Variants in DCHS2 observed in about 807,000 individuals in gnomAD.
The protein encoded by DCHS2 is protocadherin-23.
A neutral mutation model predicts 182.4 loss-of-function variants in DCHS2; 142 were observed. The observed-to-expected ratio is 0.78, with a 90% CI of 0.68 to 0.89. The LOEUF is 0.89. DCHS2 is among the 40% of genes least tolerant of loss of function. The pLI, the probability that DCHS2 is intolerant of heterozygous loss-of-function variation, is 0.00. For synonymous variants in DCHS2, 1,740 were observed against 1,663.3 expected (o/e 1.05, Z -1.12); for missense variants, 4,319 against 4,198.6 (o/e 1.03, Z -0.79).
In DCHS2 at chr4:154,304,798, C is replaced by A; in HGVS notation, c.5476G>T (p.Ala1826Ser). Residue 1826 changes from alanine (A) to serine (S), a missense_variant, in exon 12 of 20, where the codon GCA becomes TCA. Physicochemically the swap from Ala to Ser is moderately conservative, Grantham distance 99 (BLOSUM62 1). Coordinates refer to ENST00000357232, the MANE Select transcript of DCHS2 (RefSeq NM_001358235.2). ...TAACTGGAAACAATAAACTCTGGTG[C>A]GTGATCGTTTTCATCTTCAACAGTG... ...LCTVEDENDH[A>S]PEFIVSSYDI... 1.2e-6 allele frequency: 2 copies of A among 1,613,786 alleles called. No homozygotes were observed. The highest frequency in any genetic ancestry group is 1.7e-6 in the Non-Finnish European group (2 of 1,179,874).
chr4:154,360,470 C>T (rs1730069174), intron 3 of DCHS2, among the ~76,000 whole-genome samples: 1 of 152,056 alleles, frequency 6.6e-6, no homozygotes, highest in Non-Finnish European at 1.5e-5. Flanking sequence ...TGATTAGGTG[C>T]TCATGATTAA....
At chr4:154,489,179 T>A in intron 1 of DCHS2, 125 bp downstream of exon 1, 1 of 831,026 alleles carries the variant, frequency 1.2e-6, no homozygotes, top group East Asian at 2.7e-5. Flanking sequence ...GAGGGGGCAC[T>A]ACCGCCAGTC....
intron 10 of DCHS2, among the ~76,000 whole-genome samples, chr4:154,305,446 T>C (rs960903088): frequency 6.6e-6 from 1 of 152,242 alleles, no homozygotes; most frequent in African/African-American, 2.4e-5. Flanking sequence ...AAAAGTCTTA[T>C]GAGACTTCCC....
At chr4:154,467,030 A>G (rs558446001) in intron 1 of DCHS2, among the ~76,000 whole-genome samples, 11 of 152,346 alleles carry the variant, frequency 7.2e-5, no homozygotes, top group South Asian at 4.1e-4. Flanking sequence ...TGCAGCATCT[A>G]TGAAGTTTAC....
At chr4:154,418,471 T>C (rs1732965444) in intron 1 of DCHS2, among the ~76,000 whole-genome samples, 1 of 152,226 alleles carries the variant, frequency 6.6e-6, no homozygotes, top group Non-Finnish European at 1.5e-5. Flanking sequence ...AAAGGATGAT[T>C]ATCACACCAC....
At chr4:154,284,881 G>A (rs1278992031) in intron 13 of DCHS2, among the ~76,000 whole-genome samples, 1 of 152,094 alleles carries the variant, frequency 6.6e-6, no homozygotes, top group Non-Finnish European at 1.5e-5. Context: ...ATGACCTACT[G>A]AGACACCAAC....
chr4:154,467,261 C>T (rs999395563), intron 1 of DCHS2, among the ~76,000 whole-genome samples: 3 of 152,104 alleles, frequency 2.0e-5, no homozygotes, highest in Non-Finnish European at 2.9e-5. Flanking sequence ...TGATGGCTGT[C>T]AAGTTGTCCT....
chr4:154,411,834 C>T (rs1732646862), intron 1 of DCHS2, among the ~76,000 whole-genome samples: 1 of 152,038 alleles, frequency 6.6e-6, no homozygotes, highest in Non-Finnish European at 1.5e-5. Flanking sequence ...ATGCTGTACA[C>T]CTTACATATA....
At chr4:154,362,665 T>G (rs1730178136) in intron 3 of DCHS2, among the ~76,000 whole-genome samples, 2 of 152,156 alleles carry the variant, frequency 1.3e-5, no homozygotes. Context: ...GTTACAAGTA[T>G]GCCTGCCTCT....
At chr4:154,472,770 A>G (rs1735524473) in intron 1 of DCHS2, among the ~76,000 whole-genome samples, 2 of 152,226 alleles carry the variant, frequency 1.3e-5, no homozygotes, top group South Asian at 4.1e-4. Context: ...ATACACAAAC[A>G]CACACACAAA....
chr4:154,406,326 CAA>C (rs1385493977), intron 1 of DCHS2, among the ~76,000 whole-genome samples: 1 of 152,242 alleles, frequency 6.6e-6, no homozygotes, highest in African/African-American at 2.4e-5. Context: ...CACTGCTCCT[CAA>C]ACTATGCCTC....
chr4:154,482,173 G>A (rs1020275708), intron 1 of DCHS2, among the ~76,000 whole-genome samples: 1 of 152,300 alleles, frequency 6.6e-6, no homozygotes, highest in Non-Finnish European at 1.5e-5. Context: ...CAATAATCAA[G>A]ACTAAGACAC....
intron 1 of DCHS2, among the ~76,000 whole-genome samples, chr4:154,476,394 C>T (rs1377147018): frequency 1.3e-5 from 2 of 152,170 alleles, no homozygotes; most frequent in Admixed American, 6.5e-5. Context: ...ATGGAAAGAT[C>T]TGTCTGATAC....
At chr4:154,316,403 C>T (rs922650231) in intron 9 of DCHS2, among the ~76,000 whole-genome samples, 10 of 152,152 alleles carry the variant, frequency 6.6e-5, no homozygotes, top group Admixed American at 1.3e-4. Context: ...TTCTTTAAGA[C>T]GGTTGATTTT....
chr4:154,472,672 G>A (rs897052209), intron 1 of DCHS2, among the ~76,000 whole-genome samples: 6 of 152,016 alleles, frequency 3.9e-5, no homozygotes, highest in Admixed American at 2.6e-4. Context: ...TAACACTGAC[G>A]GAAGCATAAA....
chr4:154,445,849 C>A (rs536070173), intron 1 of DCHS2, among the ~76,000 whole-genome samples: 1 of 151,424 alleles, frequency 6.6e-6, no homozygotes, highest in Non-Finnish European at 1.5e-5. Flanking sequence ...GTATAGGCCA[C>A]CTGCCCTTCT....
chr4:154,276,333 T>C (rs1364200185), intron 13 of DCHS2, among the ~76,000 whole-genome samples: 1 of 152,180 alleles, frequency 6.6e-6, no homozygotes, highest in Non-Finnish European at 1.5e-5. Context: ...ATGTTCTTGG[T>C]TTTTTCTTCT....
rs142388856 is a variant in DCHS2 at position 154,381,307 on chromosome 4, C to A, written c.2053-3863G>T. 9.0e-4 allele frequency among the ~76,000 whole-genome samples: 137 copies of A among 152,102 alleles called. 1 individual carries two copies. The highest frequency in any genetic ancestry group is 3.3e-3 in the African/African-American group (135 of 41,512). On this transcript the variant is annotated intron_variant, in intron 1 of 19. Transcript: ENST00000357232. ...GTTTGATGGAAACATTATAAAAATG[C>A]AAAATATCAATATATTATTAAAATC...
chr4:154,266,936 A>G (rs1733306766), intron 14 of DCHS2, among the ~76,000 whole-genome samples: 1 of 152,156 alleles, frequency 6.6e-6, no homozygotes, highest in African/African-American at 2.4e-5. Flanking sequence ...GGCCTTCAAT[A>G]TGTTCTTCTA....
Sources: gnomAD v4.1 joint callset for allele counts (sites outside exome capture counted in the v4.1 genomes callset) on GRCh38, gnomAD v4.1.1 for gene constraint, MANE v1.5 for transcripts, NCBI Gene and HGNC (gene_info 2026-07-23, HGNC 2026-07-21) for gene names.